TBCE: variants seen among roughly 807,000 people sequenced by gnomAD.
TBCE encodes the protein tubulin-specific chaperone E.
Under a neutral mutation model 77.0 loss-of-function variants are expected in TBCE, and 53 were observed. The observed-to-expected ratio is 0.69, with a 90% CI of 0.55 to 0.87. TBCE has a LOEUF of 0.87. Among genes scored for constraint, TBCE ranks in the 40% least tolerant of loss-of-function variants. The pLI is 0.00. For missense variants in TBCE, 624 were observed against 622.4 expected (o/e 1.00, Z -0.03); for synonymous variants, 235 against 241.3 (o/e 0.97, Z 0.24).
intron 1 of TBCE, 115 bp from the exon 2 acceptor site, chr1:235,379,904 C>T (rs1348799739): frequency 1.9e-5 from 11 of 589,068 alleles, no homozygotes; most frequent in East Asian, 7.1e-5. Flanking sequence ...GCCGAGATTG[C>T]GCCACTGCAC....
intron 3 of TBCE, chr1:235,413,848 A>ATTTTTT (rs781617014): frequency 8.3e-4 from 59 of 70,940 alleles, no homozygotes; most frequent in African/African-American, 3.3e-3. Context: ...TCCACCTACG[A>ATTTTTT]TTTTTTTTTT....
At chr1:235,414,081 C>G in intron 3 of TBCE, 1 of 313,958 alleles carries the variant, frequency 3.2e-6, no homozygotes, top group Non-Finnish European at 6.1e-6. Flanking sequence ...GTCTTGAACT[C>G]CTGACCTCAG....
intron 2 of TBCE, among the ~76,000 whole-genome samples, chr1:235,395,734 G>T (rs888432210): frequency 1.3e-5 from 2 of 151,700 alleles, no homozygotes; most frequent in Non-Finnish European, 2.9e-5. Flanking sequence ...TAATGGAGAC[G>T]GGGATTTGCC....
Position 235,449,982 on chromosome 1 carries a change from C to A in TBCE, c.*1220C>A. On this transcript the variant is annotated 3_prime_UTR_variant, in exon 17 of 17. Coordinates refer to ENST00000642610, the MANE Select transcript of TBCE (RefSeq NM_003193.5). ...AACTTGGTATTTTTCTGATAATCTT[C>A]CAATAGATAAATAAAAACTTTTCTT... The A allele has an allele frequency of 2.5e-6, 1 of 401,396 alleles. No individual in the cohort carries two copies. The highest frequency in any genetic ancestry group is 2.0e-5 in the African/African-American group (1 of 49,242). 24.9% of individuals were successfully genotyped at this position (401,396 alleles called of 1,614,324 possible).
chr1:235,450,109 CCATA>C lies in TBCE; in HGVS notation c.*1350_*1353del, dbSNP rs878963252. On this transcript the variant is annotated 3_prime_UTR_variant, in exon 17 of 17. Coordinates refer to ENST00000642610, the MANE Select transcript of TBCE (RefSeq NM_003193.5). ...GCCAGTCTGGAACTCTCTTGAAAGACCATACAGTCTACTGCTAAACCCTGGGACT... is the reference window on the plus strand; with the variant it reads ...GCCAGTCTGGAACTCTCTTGAAAGACCAGTCTACTGCTAAACCCTGGGACT... 1.4e-6 allele frequency: 2 copies of C among 1,444,684 alleles called. No homozygotes were observed. The highest frequency in any genetic ancestry group is 1.4e-5 in the African/African-American group (1 of 71,566). The allele number at this position is 1,444,684 out of a possible 1,614,324, so 89.5% of individuals were successfully genotyped here.
At position 235,450,070 on chromosome 1, in the gene TBCE, T is replaced by C. The variant is rs1682797201; in HGVS notation, c.*1308T>C. 9.4e-7 allele frequency: 1 copy of C among 1,063,728 alleles called. No homozygotes were observed. The highest frequency in any genetic ancestry group is 1.6e-5 in the African/African-American group (1 of 63,540). 65.9% of individuals were successfully genotyped at this position (1,063,728 alleles called of 1,614,324 possible). On this transcript the variant is annotated 3_prime_UTR_variant, in exon 17 of 17. Transcript: ENST00000642610. The stretch of plus-strand genomic sequence containing the variant: ...CAAACATTAAGAAACACCGCATTGG[T>C]TCTGGGTGAAAGTGCCAGTCTGGAA...
intron 3 of TBCE, among the ~76,000 whole-genome samples, chr1:235,405,635 C>G (rs1157142609): frequency 7.3e-6 from 1 of 136,750 alleles, no homozygotes; most frequent in African/African-American, 2.7e-5. Context: ...AACTGTGTCT[C>G]AAAAAAAAAA....
At chr1:235,445,263 G>A (rs1682171278) in intron 15 of TBCE, among the ~76,000 whole-genome samples, 2 of 152,004 alleles carry the variant, frequency 1.3e-5, no homozygotes, top group African/African-American at 4.8e-5. Context: ...CTCATACAAA[G>A]GTTCTTAATA....
chr1:235,439,102 C>T, intron 13 of TBCE, 180 bp downstream of exon 13: 1 of 720,446 alleles, frequency 1.4e-6, no homozygotes, highest in East Asian at 2.7e-5. Flanking sequence ...AGGGCAAGAG[C>T]AGTATCTTTC....
intron 4 of TBCE, chr1:235,418,545 A>T (rs140535567): frequency 3.9e-5 from 6 of 152,384 alleles, no homozygotes; most frequent in Non-Finnish European, 7.3e-5. Flanking sequence ...CTCTCTAGGA[A>T]GTACCTTAGG....
chr1:235,437,214 C>G, intron 11 of TBCE, 108 bp from the exon 12 acceptor site: 1 of 1,369,272 alleles, frequency 7.3e-7, no homozygotes, highest in Non-Finnish European at 1.0e-6. Context: ...ATGAAATTCC[C>G]TGCCTCAGAT....
intron 3 of TBCE, among the ~76,000 whole-genome samples, chr1:235,402,572 G>T (rs1209262218): frequency 6.6e-6 from 1 of 152,114 alleles, no homozygotes; most frequent in Non-Finnish European, 1.5e-5. Flanking sequence ...ACACAATACT[G>T]CCCTGGAAAT....
chr1:235,384,685 C>T (rs1031620885), intron 2 of TBCE, among the ~76,000 whole-genome samples: 19 of 151,840 alleles, frequency 1.3e-4, no homozygotes, highest in African/African-American at 2.2e-4. Context: ...TTTTTTATTG[C>T]GTCTATTTGA....
rs749676048 is a variant in TBCE, at chr1:235,380,163, GTGTGTGTGTGTGT to G, written c.100+15_100+27del. The G allele has an allele frequency of 8.3e-5, 1 of 12,088 alleles. No homozygotes were observed. The highest frequency in any genetic ancestry group is 1.1e-4 in the Non-Finnish European group (1 of 9,312). The allele number at this position is 12,088 out of a possible 1,614,324, so 0.7% of individuals were successfully genotyped here. ...CTCCCGTGGCAGGTAAGCAATTATT[GTGTGTGTGTGTGT>G]GTGTGTGTGTGTGTGTGTGTGTGTG... On this transcript the variant is annotated intron_variant, in intron 2 of 16. Transcript: ENST00000642610.
chr1:235,432,047 GAT>G (rs1195550768), intron 7 of TBCE, among the ~76,000 whole-genome samples: 1 of 149,844 alleles, frequency 6.7e-6, no homozygotes, highest in Non-Finnish European at 1.5e-5. Flanking sequence ...GCAGTGGCAT[GAT>G]CTCGGCTCAC....
chr1:235,439,062 C>A, intron 13 of TBCE, 140 bp downstream of exon 13: 2 of 1,200,336 alleles, frequency 1.7e-6, no homozygotes, highest in Non-Finnish European at 1.2e-6. Context: ...TCTGAATGGA[C>A]TATAGGCACT....
At chr1:235,436,715 A>C in intron 11 of TBCE, 107 bp downstream of exon 11, 2 of 1,096,380 alleles carry the variant, frequency 1.8e-6, no homozygotes, top group Non-Finnish European at 2.8e-6. Flanking sequence ...TTTAAATCGA[A>C]AGAGAAATAC....
intron 5 of TBCE, among the ~76,000 whole-genome samples, chr1:235,422,646 G>A (rs1019404238): frequency 7.2e-5 from 11 of 152,012 alleles, no homozygotes; most frequent in African/African-American, 1.9e-4. Context: ...CCTGGCCAAC[G>A]CGGTGAAACC....
chr1:235,438,905 A>G lies in TBCE; in HGVS notation c.1253A>G (p.Tyr418Cys), dbSNP rs750744949. ...GAATTCCTCACAGCCCATCCCAGAT[A>G]CCAGTTCCTCTGCCTGAGTACGTGC... The part of the protein sequence containing the change: ...SEEFLTAHPR[Y>C]QFLCLKYGAP... The change falls in exon 13 of 17, where the codon TAC (tyrosine) becomes TGC (cysteine). Residue 418 changes from tyrosine to cysteine, a missense_variant. Coordinates refer to ENST00000642610, the MANE Select transcript of TBCE (RefSeq NM_003193.5). 12 of 1,614,040 alleles carry G rather than the reference A, an allele frequency of 7.4e-6. No homozygotes were observed. In the South Asian group the frequency reaches 1.1e-4, roughly 15 times the overall value.
Sources: allele counts gnomAD v4.1 joint callset (sites outside exome capture counted in the v4.1 genomes callset), GRCh38; gene constraint gnomAD v4.1.1; transcripts MANE v1.5; gene names NCBI Gene and HGNC (gene_info 2026-07-23, HGNC 2026-07-21).